DAB1: variants seen among roughly 807,000 people sequenced by gnomAD.
DAB1 encodes DAB adaptor protein 1, also known as disabled homolog 1.
Under a neutral mutation model 64.6 loss-of-function variants are expected in DAB1, and 15 were observed. The observed-to-expected ratio is 0.23, with a 90% CI of 0.16 to 0.36. The LOEUF is 0.36. Ranked by LOEUF, DAB1 falls within the 10% of genes least tolerant of loss-of-function variation. The pLI is 1.00. For missense variants in DAB1, 596 were observed against 706.7 expected, an observed-to-expected ratio of 0.84 and a Z score of 1.78; for synonymous variants, 235 against 251.9, an observed-to-expected ratio of 0.93 and a Z score of 0.64.
At chr1:58,230,606 G>T (rs1015039919) in intron 4 of DAB1, among the ~76,000 whole-genome samples, 4 of 152,224 alleles carry the variant, frequency 2.6e-5, no homozygotes, top group Admixed American at 1.3e-4. Context: ...TTCCTTAGAA[G>T]TAGAAGCCCC....
chr1:58,106,549 T>G (rs1421547780), intron 5 of DAB1, among the ~76,000 whole-genome samples: 1 of 152,170 alleles, frequency 6.6e-6, no homozygotes, highest in African/African-American at 2.4e-5. Flanking sequence ...ATTTTTAAAA[T>G]CAGACACTGA....
At chr1:57,067,477 C>G (rs1431555896) in intron 8 of DAB1, among the ~76,000 whole-genome samples, 2 of 152,172 alleles carry the variant, frequency 1.3e-5, no homozygotes, top group Admixed American at 1.3e-4. Flanking sequence ...ATGATTCAAG[C>G]CACATGGGGT....
chr1:57,232,530 A>G (rs528379330), intron 2 of DAB1, among the ~76,000 whole-genome samples: 2 of 152,026 alleles, frequency 1.3e-5, no homozygotes, highest in Admixed American at 6.6e-5. Context: ...TCTCTAACAC[A>G]CTTTTGAGCT....
intron 2 of DAB1, among the ~76,000 whole-genome samples, chr1:57,238,864 C>CACAT (rs1668297203): frequency 6.9e-6 from 1 of 145,810 alleles, no homozygotes; most frequent in African/African-American, 2.7e-5. Flanking sequence ...CACACATACA[C>CACAT]ACACACACAC....
intron 5 of DAB1, among the ~76,000 whole-genome samples, chr1:57,898,605 G>C (rs1644426006): frequency 6.6e-6 from 1 of 152,110 alleles, no homozygotes; most frequent in African/African-American, 2.4e-5. Context: ...AACAAATATA[G>C]TGGTTAAGTC....
chr1:57,049,338 C>A (rs1467331919), intron 9 of DAB1, among the ~76,000 whole-genome samples: 1 of 149,654 alleles, frequency 6.7e-6, no homozygotes, highest in African/African-American at 2.5e-5. Context: ...GTAGTCCCAG[C>A]TACTCGGGAG....
At chr1:58,316,731 A>G (rs552796461) in intron 4 of DAB1, among the ~76,000 whole-genome samples, 2 of 152,196 alleles carry the variant, frequency 1.3e-5, no homozygotes, top group East Asian at 1.9e-4. Context: ...TACACTTGTT[A>G]CCCCTGCTCA....
chr1:57,320,230 T>C (rs1056949396), intron 1 of DAB1, among the ~76,000 whole-genome samples: 2 of 152,152 alleles, frequency 1.3e-5, no homozygotes, highest in East Asian at 1.9e-4. Context: ...CCTTATGCCA[T>C]GATTCTAAGA....
chr1:57,454,079 A>C (rs1314362934), intron 7 of DAB1, among the ~76,000 whole-genome samples: 1 of 152,132 alleles, frequency 6.6e-6, no homozygotes, highest in Admixed American at 6.6e-5. Context: ...CCTGTAGCTA[A>C]GGTGCTTGTG....
intron 4 of DAB1, among the ~76,000 whole-genome samples, chr1:58,330,091 C>T (rs912517009): frequency 6.6e-6 from 1 of 152,202 alleles, no homozygotes; most frequent in African/African-American, 2.4e-5. Context: ...GATTATCCTA[C>T]TTGTGAATGC....
intron 8 of DAB1, 84 bp downstream of exon 8, chr1:57,069,276 G>C (rs1238487239): frequency 8.6e-7 from 1 of 1,159,702 alleles, no homozygotes; most frequent in Non-Finnish European, 1.3e-6. Context: ...ATGACCAACA[G>C]AACCCTTGGT....
Position 57,033,563 on chromosome 1 carries a change from G to A in DAB1, c.724-7520C>T, listed in dbSNP as rs764844188. 1.1e-4 allele frequency: 179 copies of A among 1,612,240 alleles called. No individual in the cohort carries two copies. Among genetic ancestry groups the A allele is most frequent in the Non-Finnish European group, 1.4e-4 (170 of 1,179,612 alleles). On this transcript the variant is annotated intron_variant, in intron 9 of 14. Transcript: ENST00000371236. ...AAACCGTTCTTCAAAATCCTCAAAC[G>A]AATAGCCATTCTGAAAGTGGAAGGG...
At chr1:58,243,616 C>G (rs1031732584) in intron 4 of DAB1, among the ~76,000 whole-genome samples, 2 of 152,090 alleles carry the variant, frequency 1.3e-5, no homozygotes, top group African/African-American at 2.4e-5. Context: ...CACCTCCTTG[C>G]CCAAACCAGC....
intron 5 of DAB1, among the ~76,000 whole-genome samples, chr1:57,896,004 T>C (rs1644386430): frequency 6.6e-6 from 1 of 152,184 alleles, no homozygotes; most frequent in Non-Finnish European, 1.5e-5. Context: ...TGAATCAACC[T>C]AGCCCCAGGC....
chr1:57,109,001 C>T (rs1192382152), intron 4 of DAB1, among the ~76,000 whole-genome samples: 2 of 152,148 alleles, frequency 1.3e-5, no homozygotes, highest in African/African-American at 2.4e-5. Flanking sequence ...CTTTGAATAC[C>T]GTCCCTAGCT....
At chr1:57,121,251 G>A (rs1656635036) in intron 4 of DAB1, among the ~76,000 whole-genome samples, 1 of 151,326 alleles carries the variant, frequency 6.6e-6, no homozygotes, top group Non-Finnish European at 1.5e-5. Context: ...AAGAGGAAGA[G>A]GAGGAAGCAT....
intron 1 of DAB1, among the ~76,000 whole-genome samples, chr1:57,309,989 G>A (rs1674533679): frequency 1.3e-5 from 2 of 152,156 alleles, no homozygotes; most frequent in Non-Finnish European, 2.9e-5. Context: ...ACAGACCCCC[G>A]CCACTCCAAA....
chr1:58,508,690 T>C (rs1646027161), intron 2 of DAB1, among the ~76,000 whole-genome samples: 1 of 152,110 alleles, frequency 6.6e-6, no homozygotes, highest in South Asian at 2.1e-4. Context: ...CTTGTAGCAC[T>C]GATGGAATCT....
intron 3 of DAB1, among the ~76,000 whole-genome samples, chr1:58,364,039 C>G (rs1644192954): frequency 6.6e-6 from 1 of 152,134 alleles, no homozygotes; most frequent in Non-Finnish European, 1.5e-5. Context: ...ACTTTATGAC[C>G]CAGGCAGACT....
Sources: allele counts gnomAD v4.1 joint callset (sites outside exome capture counted in the v4.1 genomes callset), GRCh38; gene constraint gnomAD v4.1.1; transcripts MANE v1.5; gene names NCBI Gene and HGNC (gene_info 2026-07-23, HGNC 2026-07-21).